PSD3: variants seen among roughly 807,000 people sequenced by gnomAD.
PSD3 encodes the protein PH and SEC7 domain-containing protein 3.
PSD3 carries 49 observed loss-of-function variants against 105.5 expected under a neutral mutation model. The observed-to-expected ratio is 0.46, with a 90% CI of 0.37 to 0.59. PSD3 has a LOEUF of 0.59. Ranked by LOEUF, PSD3 falls within the 20% of genes least tolerant of loss-of-function variation. The pLI is 0.00. For missense variants in PSD3, 1,561 were observed against 1,263.8 expected, an observed-to-expected ratio of 1.24 and a Z score of -3.57; for synonymous variants, 557 against 457.8, an observed-to-expected ratio of 1.22 and a Z score of -2.77.
intron 12 of PSD3, among the ~76,000 whole-genome samples, chr8:18,596,377 A>C (rs1292457058): frequency 1.3e-5 from 2 of 152,016 alleles, no homozygotes; most frequent in Admixed American, 6.6e-5. Flanking sequence ...AGAAACAATA[A>C]AGATTAGAGC....
chr8:18,893,625 G>A lies in PSD3; in HGVS notation c.131-20892C>T, dbSNP rs552179621. ...AGGGTATCGGTGGGCTAGAGGGCAG[G>A]GAAGCAGGATCGGAACTCCAGGCCC... On this transcript the variant is annotated intron_variant, in intron 2 of 15. Transcript: ENST00000327040. Among the ~76,000 whole-genome samples, 3 of 152,074 alleles carry A rather than the reference G, an allele frequency of 2.0e-5. No individual in the cohort carries two copies. The East Asian group carries it at 5.8e-4, about 29-fold the overall frequency.
intron 8 of PSD3, among the ~76,000 whole-genome samples, chr8:18,776,260 C>G (rs34650180): frequency 1.4e-5 from 2 of 144,140 alleles, no homozygotes; most frequent in Non-Finnish European, 3.0e-5. Flanking sequence ...CTCTCTCTCT[C>G]TATATATATA....
chr8:19,013,338 ACCCC>A (rs1827042064), intron 1 of PSD3, among the ~76,000 whole-genome samples: 1 of 151,822 alleles, frequency 6.6e-6, no homozygotes, highest in African/African-American at 2.4e-5. Flanking sequence ...ATGAACTAAA[ACCCC>A]TAAACCTTAA....
At chr8:18,881,167 A>C (rs529679128) in intron 2 of PSD3, among the ~76,000 whole-genome samples, 1 of 152,284 alleles carries the variant, frequency 6.6e-6, no homozygotes, top group East Asian at 1.9e-4. Context: ...TGACATATAA[A>C]CCCACTGATT....
intron 2 of PSD3, among the ~76,000 whole-genome samples, chr8:18,910,838 T>G (rs910196088): frequency 5.9e-5 from 9 of 151,666 alleles, no homozygotes; most frequent in African/African-American, 2.2e-4. Flanking sequence ...CTTCAAATGG[T>G]ATCTGACACA....
chr8:18,869,908 T>C (rs1185388034), intron 3 of PSD3, among the ~76,000 whole-genome samples: 2 of 152,192 alleles, frequency 1.3e-5, no homozygotes, highest in African/African-American at 4.8e-5. Flanking sequence ...GACCATTCCT[T>C]TACGCCCAGC....
At chr8:18,896,692 C>T (rs148229495) in intron 2 of PSD3, among the ~76,000 whole-genome samples, 206 of 152,252 alleles carry the variant, frequency 1.4e-3, no homozygotes, top group Admixed American at 2.0e-3. Context: ...GAATTACAGG[C>T]GTGCACCACC....
chr8:18,865,249 TATATATATATATATATATATATATATA>T (rs1816768529), intron 4 of PSD3: 1 of 3,366 alleles, frequency 3.0e-4, no homozygotes, highest in Non-Finnish European at 6.3e-4. Flanking sequence ...TATATATATA[TATATATATATATATATATATATATATA>T]TATATATATA....
intron 9 of PSD3, among the ~76,000 whole-genome samples, chr8:18,684,563 C>T (rs1563169729): frequency 1.3e-5 from 2 of 152,106 alleles, no homozygotes; most frequent in South Asian, 2.1e-4. Context: ...CCTTTCTTTC[C>T]CGTTTCAGGC....
chr8:18,953,199 A>T (rs968061866), intron 1 of PSD3, among the ~76,000 whole-genome samples: 4 of 152,208 alleles, frequency 2.6e-5, no homozygotes, highest in South Asian at 2.1e-4. Flanking sequence ...GATCAAAAAG[A>T]CTGACAATCA....
intron 10 of PSD3, among the ~76,000 whole-genome samples, chr8:18,637,527 T>A (rs1287475773): frequency 6.6e-6 from 1 of 152,192 alleles, no homozygotes; most frequent in East Asian, 1.9e-4. Flanking sequence ...TAGTTCTGCC[T>A]TTTCCAGAAT....
At chr8:18,774,780 A>G (rs760602773) in intron 8 of PSD3, 5 of 415,764 alleles carry the variant, frequency 1.2e-5, no homozygotes, top group African/African-American at 2.1e-5. Context: ...AATGACTACA[A>G]TCTAAGAGAA....
At chr8:18,652,975 A>T (rs1008071642) in intron 10 of PSD3, among the ~76,000 whole-genome samples, 2 of 152,220 alleles carry the variant, frequency 1.3e-5, no homozygotes, top group African/African-American at 4.8e-5. Context: ...GAAATTCAAG[A>T]TGTACATCAG....
At chr8:18,617,066 TACAC>T (rs1805746984) in intron 11 of PSD3, among the ~76,000 whole-genome samples, 6 of 152,204 alleles carry the variant, frequency 3.9e-5, no homozygotes, top group African/African-American at 1.4e-4. Flanking sequence ...AATAAATTTG[TACAC>T]CTTTTCTCTC....
chr8:18,708,879 G>C (rs1348300589), intron 9 of PSD3, among the ~76,000 whole-genome samples: 1 of 152,086 alleles, frequency 6.6e-6, no homozygotes, highest in African/African-American at 2.4e-5. Context: ...AGCCACACGG[G>C]GTAAGAGGAA....
intron 9 of PSD3, among the ~76,000 whole-genome samples, chr8:18,698,910 C>CT (rs1446774931): frequency 6.6e-6 from 1 of 152,084 alleles, no homozygotes. Flanking sequence ...TGTAGAAACA[C>CT]TATCATTTAA....
At chr8:18,802,297 C>G (rs777964082) in intron 6 of PSD3, 1 of 405,386 alleles carries the variant, frequency 2.5e-6, no homozygotes, top group South Asian at 1.8e-5. Flanking sequence ...ACTAAGAGCA[C>G]TGTTTATTTG....
intron 1 of PSD3, among the ~76,000 whole-genome samples, chr8:19,002,277 G>A (rs949407375): frequency 4.8e-4 from 73 of 152,096 alleles, no homozygotes; most frequent in African/African-American, 1.6e-3. Context: ...GAAGGAAGGC[G>A]ACAACTCCCC....
intron 14 of PSD3, among the ~76,000 whole-genome samples, chr8:18,559,120 A>G (rs984678345): frequency 6.6e-6 from 1 of 152,154 alleles, no homozygotes; most frequent in Non-Finnish European, 1.5e-5. Flanking sequence ...AGGGAATCTG[A>G]GCAAGAGTTT....
Sources: allele counts gnomAD v4.1 joint callset (sites outside exome capture counted in the v4.1 genomes callset), GRCh38; gene constraint gnomAD v4.1.1; transcripts MANE v1.5; gene names NCBI Gene and HGNC (gene_info 2026-07-23, HGNC 2026-07-21).